UTP20: variants seen among roughly 807,000 people sequenced by gnomAD.
UTP20 encodes the protein small subunit processome component 20 homolog.
Under a neutral mutation model 329.5 loss-of-function variants are expected in UTP20, and 164 were observed. The observed-to-expected ratio is 0.50, with a 90% CI of 0.44 to 0.57. The LOEUF (loss-of-function observed/expected upper bound fraction) is 0.57. Ranked by LOEUF, UTP20 falls within the 20% of genes least tolerant of loss-of-function variation. UTP20 has a pLI of 0.00. For missense variants in UTP20, 3,055 were observed against 3,284.2 expected (o/e 0.93, Z 1.71); for synonymous variants, 1,151 against 1,159.3 (o/e 0.99, Z 0.14).
rs777705829 is a variant in UTP20 at position 101,386,164 on chromosome 12, T to G, written c.*41T>G. ...ATACAAGCATGAACTTTCTGGAATA[T>G]TCTGCTAGTCTGAAATTACAGTAGG... On this transcript the variant is annotated 3_prime_UTR_variant, in exon 62 of 62. Coordinates refer to ENST00000261637, the MANE Select transcript of UTP20 (RefSeq NM_014503.3). 1.9e-6 allele frequency: 3 copies of G among 1,566,902 alleles called. No homozygotes were observed. The highest frequency in any genetic ancestry group is 2.6e-6 in the Non-Finnish European group (3 of 1,163,972).
At chr12:101,319,769 T>A in intron 23 of UTP20, 134 bp downstream of exon 23, 2 of 658,494 alleles carry the variant, frequency 3.0e-6, no homozygotes, top group South Asian at 4.4e-5. Flanking sequence ...AAAGCCTTTT[T>A]TTTTTTAATT....
intron 22 of UTP20, among the ~76,000 whole-genome samples, chr12:101,318,568 C>G (rs1318514931): frequency 6.6e-6 from 1 of 152,132 alleles, no homozygotes; most frequent in African/African-American, 2.4e-5. Flanking sequence ...TGGTGGCTCA[C>G]ACCTGTAATC....
rs757747925 is a variant in UTP20 at position 101,320,863 on chromosome 12, C to T, written c.2841C>T (p.His947=). 2.5e-6 allele frequency: 4 copies of T among 1,611,138 alleles called. No homozygotes were observed. Among genetic ancestry groups the T allele is most frequent in the Admixed American group, 3.4e-5 (2 of 59,266 alleles). ...LYELYLQLLL[H]QDQMVQKITL... ...AATACTGTTCTTAGTTGTTGCTACACCAAGATCAAATGGTGCAAAAAATAA... is the reference window on the plus strand; with the variant it reads ...AATACTGTTCTTAGTTGTTGCTACATCAAGATCAAATGGTGCAAAAAATAA... Residue 947 remains histidine (H), a synonymous_variant, in exon 24 of 62, where the codon CAC becomes CAT. Coordinates refer to ENST00000261637, the MANE Select transcript of UTP20 (RefSeq NM_014503.3).
chr12:101,324,969 T>G (rs914875471), intron 25 of UTP20, among the ~76,000 whole-genome samples: 3 of 152,240 alleles, frequency 2.0e-5, no homozygotes, highest in Non-Finnish European at 2.9e-5. Flanking sequence ...AAGCTATTGA[T>G]TTTTGTGTTA....
At chr12:101,296,645 G>A (rs1439609650) in intron 12 of UTP20, among the ~76,000 whole-genome samples, 1 of 151,950 alleles carries the variant, frequency 6.6e-6, no homozygotes, top group Non-Finnish European at 1.5e-5. Context: ...GTACTGAGGA[G>A]GCTGAGGCAG....
At position 101,285,632 on chromosome 12, in the gene UTP20, C is replaced by T. The variant is rs1387825026; in HGVS notation, c.189C>T (p.His63=). ...LKWRELNLTE[H]FGKFYKEVID... ...GGAGAGAATTAAACCTCACAGAACA[C>T]TTCGGTATTTTCTATTTCGTTTCTA... Residue 63 remains histidine (H), a synonymous_variant, in exon 3 of 62, where the codon CAC becomes CAT. Transcript: ENST00000261637. 1.9e-6 allele frequency: 3 copies of T among 1,613,646 alleles called. No individual in the cohort carries two copies. The highest frequency in any genetic ancestry group is 2.5e-6 in the Non-Finnish European group (3 of 1,179,832).
intron 15 of UTP20, 146 bp downstream of exon 15, chr12:101,302,699 T>A (rs1368064586): frequency 3.6e-6 from 2 of 560,728 alleles, no homozygotes; most frequent in Non-Finnish European, 6.1e-6. Flanking sequence ...TTGATTTAGA[T>A]CCTCCAGTTA....
At chr12:101,300,476 T>A (rs1438845199) in intron 14 of UTP20, among the ~76,000 whole-genome samples, 1 of 152,192 alleles carries the variant, frequency 6.6e-6, no homozygotes, top group Non-Finnish European at 1.5e-5. Flanking sequence ...GTGTTTCCTC[T>A]GCATGGAGAC....
intron 59 of UTP20, 104 bp from the exon 60 acceptor site, chr12:101,383,439 C>G: frequency 1.3e-6 from 2 of 1,506,822 alleles, no homozygotes; most frequent in Non-Finnish European, 1.8e-6. Flanking sequence ...GCAATAACAT[C>G]CGTCCCAAAA....
rs758804530 is a variant in UTP20, at chr12:101,317,577, C to T, written c.2652C>T (p.Ala884=). Residue 884 remains alanine (A), a synonymous_variant, in exon 22 of 62, where the codon GCC becomes GCT. Coordinates refer to ENST00000261637, the MANE Select transcript of UTP20 (RefSeq NM_014503.3). ...CAGAGGAAATCGAAGAGGAACCTGCCGCAGGAGATGATGAAGAGTTGGAGG... is the reference window on the plus strand; with the variant it reads ...CAGAGGAAATCGAAGAGGAACCTGCTGCAGGAGATGATGAAGAGTTGGAGG... ...MVAEEIEEEP[A]AGDDEELEEE... is the part of the protein sequence containing the mutation. The T allele has an allele frequency of 6.8e-5, 109 of 1,613,914 alleles. No individual in the cohort carries two copies. Among genetic ancestry groups the T allele is most frequent in the Middle Eastern group, 6.6e-4 (4 of 6,056 alleles).
chr12:101,354,680 CT>C, intron 40 of UTP20, 151 bp from the exon 41 acceptor site: 1 of 736,596 alleles, frequency 1.4e-6, no homozygotes, highest in Non-Finnish European at 2.2e-6. Flanking sequence ...CTCTCATTTA[CT>C]GCTCTTTCCT....
intron 29 of UTP20, among the ~76,000 whole-genome samples, chr12:101,336,950 C>T (rs893872959): frequency 2.6e-5 from 4 of 152,188 alleles, no homozygotes; most frequent in Non-Finnish European, 4.4e-5. Context: ...GGACTTTACT[C>T]GCAGTTGAAA....
intron 8 of UTP20, 64 bp from the exon 9 acceptor site, chr12:101,291,678 T>TA: frequency 6.8e-7 from 1 of 1,471,922 alleles, no homozygotes. Flanking sequence ...CCACAGTTTT[T>TA]ATTGTTGGAT....
rs201254971 is a variant in UTP20, at chr12:101,373,475, T to G, written c.6948+5T>G. The G allele has an allele frequency of 2.5e-6, 4 of 1,614,204 alleles. No individual in the cohort carries two copies. In the East Asian group the frequency reaches 8.9e-5, roughly 36 times the overall value. On this transcript the variant is annotated splice_donor_5th_base_variant and intron_variant, in intron 53 of 61. Transcript: ENST00000261637. ...CTCTTTGACACGTTCCCTCAGGTAC[T>G]GTGACCCCAGAGATAAGCCCCGTGA...
rs1872075363 is a variant in UTP20, at chr12:101,289,599, A to G, written c.598-538A>G. 1.3e-5 allele frequency among the ~76,000 whole-genome samples: 2 copies of G among 152,030 alleles called. 1 individual carries two copies. The highest frequency in any genetic ancestry group is 4.1e-4 in the South Asian group (2 of 4,828). On this transcript the variant is annotated intron_variant, in intron 6 of 61. Transcript: ENST00000261637. Reference sequence around the variant, plus strand: ...GTGATCTAATTTGGGTCACTATTGTATTGTTATTTAGGTTTGTGATAGCTT... The same window carrying G: ...GTGATCTAATTTGGGTCACTATTGTGTTGTTATTTAGGTTTGTGATAGCTT...
At chr12:101,321,195 CATA>C (rs1171443763) in intron 24 of UTP20, among the ~76,000 whole-genome samples, 2 of 151,966 alleles carry the variant, frequency 1.3e-5, no homozygotes, top group Non-Finnish European at 2.9e-5. Context: ...AATATAATGC[CATA>C]GAATCTTGGT....
At position 101,295,547 on chromosome 12, in the gene UTP20, A is replaced by T. The variant is rs1298681487; in HGVS notation, c.1319A>T (p.Asp440Val). ...CFLIDDAVVKDEALAILAKLI... is the reference protein window; with the variant it reads ...CFLIDDAVVKVEALAILAKLI... ...TTAATTGATGATGCTGTAGTCAAAG[A>T]TGAAGCTCTGGCCATTCTGGCCAAG... Residue 440 changes from aspartate (D) to valine (V), a missense_variant, in exon 12 of 62, where the codon GAT becomes GTT. Physicochemically the swap from Asp to Val is radical, Grantham distance 152. Coordinates refer to ENST00000261637, the MANE Select transcript of UTP20 (RefSeq NM_014503.3). The T allele has an allele frequency of 6.2e-7, 1 of 1,613,252 alleles. No homozygotes were observed. The highest frequency in any genetic ancestry group is 1.1e-5 in the South Asian group (1 of 90,970).
At chr12:101,300,090 C>A (rs1476552735) in intron 14 of UTP20, 29 bp downstream of exon 14, 2 of 1,592,964 alleles carry the variant, frequency 1.3e-6, no homozygotes, top group Non-Finnish European at 1.7e-6. Flanking sequence ...GTGTTCTCTT[C>A]TCTTCTTTTC....
chr12:101,354,809 CTT>C, intron 40 of UTP20, 21 bp from the exon 41 acceptor site: 1 of 1,601,672 alleles, frequency 6.2e-7, no homozygotes, highest in Non-Finnish European at 8.5e-7. Flanking sequence ...TTTAAGGTGA[CTT>C]TTGTTGTTTA....
Sources: allele counts gnomAD v4.1 joint callset (sites outside exome capture counted in the v4.1 genomes callset), GRCh38; gene constraint gnomAD v4.1.1; transcripts MANE v1.5; gene names NCBI Gene and HGNC (gene_info 2026-07-23, HGNC 2026-07-21).